Variants in HTT observed in about 807,000 individuals in gnomAD.
HTT encodes the protein huntington disease protein.
A neutral mutation model predicts 362.3 loss-of-function variants in HTT; 104 were observed. The ratio of observed to expected loss-of-function variants is 0.29; its 90% CI spans 0.24 to 0.34. The LOEUF is 0.34. HTT is among the 10% of genes least tolerant of loss of function. The pLI, the probability that HTT is intolerant of heterozygous loss-of-function variation, is 1.00. For missense variants in HTT, 3,301 were observed against 3,928.6 expected (o/e 0.84, Z 4.27); for synonymous variants, 1,577 against 1,548.7 (o/e 1.02, Z -0.43).
chr4:3,229,301 ACCAC>A (rs1721097525), intron 59 of HTT, among the ~76,000 whole-genome samples: 1 of 60,708 alleles, frequency 1.6e-5, no homozygotes, highest in Admixed American at 1.8e-4. Context: ...ACATGCATGC[ACCAC>A]ACACACACAC....
chr4:3,197,948 C>T (rs1219280371), intron 40 of HTT, among the ~76,000 whole-genome samples: 2 of 152,166 alleles, frequency 1.3e-5, no homozygotes. Context: ...CAGAGGGCCC[C>T]ACAGAAGGAT....
At chr4:3,102,826 G>A (rs1427968381) in intron 3 of HTT, among the ~76,000 whole-genome samples, 4 of 152,208 alleles carry the variant, frequency 2.6e-5, no homozygotes, top group African/African-American at 4.8e-5. Context: ...ACTTTGTGCC[G>A]TTAGCATCGT....
chr4:3,109,964 G>C lies in HTT; in HGVS notation c.747+2541G>C, dbSNP rs142296663. Among the ~76,000 whole-genome samples the C allele has an allele frequency of 1.3e-3, 198 of 152,288 alleles. 2 individuals are homozygous for C. Among genetic ancestry groups the C allele is most frequent in the African/African-American group, 3.9e-3 (164 of 41,548 alleles). On this transcript the variant is annotated intron_variant, in intron 6 of 66. Transcript: ENST00000355072. Reference sequence around the variant, plus strand: ...TGCTGGGGCCAGCATCCTTAGGAAGGCATCTTGGAGGTGGAGGAGACAGCC... The same window carrying C: ...TGCTGGGGCCAGCATCCTTAGGAAGCCATCTTGGAGGTGGAGGAGACAGCC...
intron 38 of HTT, 87 bp from the exon 39 acceptor site, chr4:3,187,564 T>C: frequency 5.7e-6 from 5 of 883,646 alleles, no homozygotes; most frequent in Non-Finnish European, 7.4e-6. Context: ...AAAATAGGAG[T>C]TATTTTCTTT....
In HTT at chr4:3,129,988, A is replaced by T. The variant is rs1305734227; in HGVS notation, c.1808A>T (p.Glu603Val). 3 of 1,613,856 alleles carry T rather than the reference A, an allele frequency of 1.9e-6. No homozygotes were observed. Among genetic ancestry groups the T allele is most frequent in the Non-Finnish European group, 2.5e-6 (3 of 1,179,940 alleles). Residue 603 changes from glutamate (E) to valine (V), a missense_variant, in exon 13 of 67, where the codon GAG becomes GTG. By Grantham distance (121) the Glu-to-Val change is moderately radical. Coordinates refer to ENST00000355072, the MANE Select transcript of HTT (RefSeq NM_001388492.1). ...ATTGGACAGCCCCAGGATGAAGATG[A>T]GGAAGCCACAGGTATTCTTCCTGAT... ...LQIGQPQDED[E>V]EATGILPDEA...
chr4:3,223,333 ACT>A, intron 54 of HTT, 71 bp from the exon 55 acceptor site: 1 of 1,417,592 alleles, frequency 7.1e-7, no homozygotes. Flanking sequence ...GGCAGGGAAG[ACT>A]CTGGGTTCTG....
At chr4:3,098,889 C>T (rs1400554435) in intron 2 of HTT, among the ~76,000 whole-genome samples, 1 of 152,140 alleles carries the variant, frequency 6.6e-6, no homozygotes, top group Non-Finnish European at 1.5e-5. Flanking sequence ...ATTGAAGTAT[C>T]TGAAGTTTTT....
chr4:3,191,016 C>T (rs1718988131), intron 40 of HTT, among the ~76,000 whole-genome samples: 1 of 152,066 alleles, frequency 6.6e-6, no homozygotes, highest in Admixed American at 6.6e-5. Context: ...TGTTGGAAGC[C>T]CTTGATATTA....
chr4:3,105,299 C>A (rs1248677609), intron 4 of HTT, 58 bp from the exon 5 acceptor site: 2 of 1,142,908 alleles, frequency 1.7e-6, no homozygotes, highest in African/African-American at 1.5e-5. Flanking sequence ...CGTTTCTATG[C>A]AACCCTCTTG....
chr4:3,203,103 C>T (rs767935455), intron 41 of HTT: 2 of 152,362 alleles, frequency 1.3e-5, no homozygotes, highest in South Asian at 2.1e-4. Flanking sequence ...GTGTTGCCCA[C>T]GCGTCGGTGG....
chr4:3,205,204 A>G (rs548677499), intron 42 of HTT, among the ~76,000 whole-genome samples: 6 of 152,286 alleles, frequency 3.9e-5, no homozygotes, highest in Non-Finnish European at 8.8e-5. Context: ...CTACTCAGAG[A>G]TAACTTGCTG....
Position 3,208,912 on chromosome 4 carries a change from G to T in HTT, c.6291+1G>T. ...ACTGGAAACAGTGAGTCCGGACAAA[G>T]TAAGTGTCCAGCGTGTCTGCATGGG... On this transcript the variant is annotated splice_donor_variant, in intron 46 of 66. Coordinates refer to ENST00000355072, the MANE Select transcript of HTT (RefSeq NM_001388492.1). LOFTEE classifies it high-confidence loss of function. The T allele has an allele frequency of 6.2e-7, 1 of 1,609,570 alleles. No individual in the cohort carries two copies.
intron 61 of HTT, among the ~76,000 whole-genome samples, chr4:3,234,158 C>T (rs537729879): frequency 2.1e-4 from 32 of 152,306 alleles, no homozygotes; most frequent in Admixed American, 1.6e-3. Context: ...TGGAGGGAGA[C>T]GGGAAGGTCT....
chr4:3,190,233 G>A (rs369676605), intron 40 of HTT, among the ~76,000 whole-genome samples: 1 of 151,844 alleles, frequency 6.6e-6, no homozygotes, highest in South Asian at 2.1e-4. Flanking sequence ...TGTAGTCCCA[G>A]CTACTTGGGA....
intron 57 of HTT, among the ~76,000 whole-genome samples, chr4:3,227,121 G>A (rs1288449893): frequency 6.6e-6 from 1 of 152,166 alleles, no homozygotes; most frequent in Non-Finnish European, 1.5e-5. Flanking sequence ...CCCCAACCCC[G>A]CTGCATTTGG....
rs184682041 is a variant in HTT at position 3,148,650 on chromosome 4, T to A, written c.3498+443T>A. Among the ~76,000 whole-genome samples, 17 of 152,188 alleles carry A rather than the reference T, an allele frequency of 1.1e-4. No homozygotes were observed. The East Asian group carries it at 2.7e-3, about 24-fold the overall frequency. Reference sequence around the variant, plus strand: ...GTCTCTACTAAAAATACAAAAAAATTATCTGAGCATGGTGGCGGGCGCCTG... The same window carrying A: ...GTCTCTACTAAAAATACAAAAAAATAATCTGAGCATGGTGGCGGGCGCCTG... On this transcript the variant is annotated intron_variant, in intron 26 of 66. Coordinates refer to ENST00000355072, the MANE Select transcript of HTT (RefSeq NM_001388492.1).
chr4:3,239,334 G>A (rs1721699197), intron 66 of HTT, among the ~76,000 whole-genome samples: 1 of 152,206 alleles, frequency 6.6e-6, no homozygotes, highest in African/African-American at 2.4e-5. Context: ...CTTCTCATTA[G>A]CTTTGGTCAT....
rs776168561 is a variant in HTT, at chr4:3,134,389, CT to C, written c.2494-10del. 6.2e-6 allele frequency: 10 copies of C among 1,611,342 alleles called. No individual in the cohort carries two copies. The Admixed American group carries it at 1.7e-4, about 27-fold the overall frequency. On this transcript the variant is annotated splice_polypyrimidine_tract_variant and intron_variant, in intron 18 of 66. Coordinates refer to ENST00000355072, the MANE Select transcript of HTT (RefSeq NM_001388492.1). ...AACCTGCTGTCCTCTTGCCTTGGAC[CT>C]TGTGTTCCAGAACTGTGTCATGAGT...
intron 1 of HTT, among the ~76,000 whole-genome samples, chr4:3,079,956 T>G (rs1199436131): frequency 6.6e-6 from 1 of 152,202 alleles, no homozygotes; most frequent in Non-Finnish European, 1.5e-5. Flanking sequence ...AGCAGTAGCT[T>G]GCGTTATCAG....
Sources: allele counts gnomAD v4.1 joint callset (sites outside exome capture counted in the v4.1 genomes callset), GRCh38; gene constraint gnomAD v4.1.1; transcripts MANE v1.5; gene names NCBI Gene and HGNC (gene_info 2026-07-23, HGNC 2026-07-21).